Variants in TAAR5 observed in about 807,000 individuals in gnomAD.
TAAR5 encodes the protein trace amine associated receptor 5.
Under a neutral mutation model 21.1 loss-of-function variants are expected in TAAR5, and 27 were observed. That is an observed-to-expected ratio of 1.28 (90% confidence interval 0.94 to 1.76). TAAR5 has a LOEUF of 1.76. Among genes scored for constraint, TAAR5 ranks in the 40% most tolerant of loss-of-function variants. The pLI is 0.00. For missense variants in TAAR5, 495 were observed against 405.6 expected, an observed-to-expected ratio of 1.22 and a Z score of -1.89; for synonymous variants, 203 against 167.5, an observed-to-expected ratio of 1.21 and a Z score of -1.64.
chr6:132,604,170 A>T, the TAAR5 span, among the ~76,000 whole-genome samples: 1 of 135,980 alleles, frequency 7.4e-6, no homozygotes, highest in Non-Finnish European at 1.5e-5. Context: ...TTTGAGACAG[A>T]GTCTCTCTCA....
the TAAR5 span, among the ~76,000 whole-genome samples, chr6:132,614,052 T>C: frequency 4.6e-5 from 7 of 152,242 alleles, no homozygotes; most frequent in African/African-American, 1.7e-4. Flanking sequence ...ATATGAGCTA[T>C]TAGTGTTCCA....
the TAAR5 span, among the ~76,000 whole-genome samples, chr6:132,601,342 A>G: frequency 0.013 from 1,956 of 152,352 alleles, 28 homozygotes; most frequent in Middle Eastern, 0.037. Context: ...AAAGCCTTGC[A>G]AAGTATATAT....
At chr6:132,612,298 A>G in the TAAR5 span, among the ~76,000 whole-genome samples, 1 of 152,234 alleles carries the variant, frequency 6.6e-6, no homozygotes, top group African/African-American at 2.4e-5. Flanking sequence ...GAATAAACAT[A>G]CACATAAATT....
the TAAR5 span, among the ~76,000 whole-genome samples, chr6:132,613,005 A>T: frequency 3.9e-5 from 6 of 152,166 alleles, no homozygotes; most frequent in African/African-American, 7.2e-5. Flanking sequence ...TATTGGGATG[A>T]TTCTATAAGA....
At chr6:132,614,892 T>A in the TAAR5 span, among the ~76,000 whole-genome samples, 5 of 152,070 alleles carry the variant, frequency 3.3e-5, no homozygotes, top group Non-Finnish European at 7.4e-5. Flanking sequence ...TGAGACAGAG[T>A]CTCACTCTGT....
chr6:132,590,753 A>T (rs1232409607), upstream of TAAR5, among the ~76,000 whole-genome samples: 1 of 152,220 alleles, frequency 6.6e-6, no homozygotes, highest in Non-Finnish European at 1.5e-5. Context: ...TTACCCTGAC[A>T]ATTAATTAGA....
At chr6:132,614,412 T>C in the TAAR5 span, among the ~76,000 whole-genome samples, 1 of 152,374 alleles carries the variant, frequency 6.6e-6, no homozygotes, top group South Asian at 2.1e-4. Flanking sequence ...TTATAATGAT[T>C]GTTTTTTAGT....
the TAAR5 span, among the ~76,000 whole-genome samples, chr6:132,596,012 T>C: frequency 6.6e-6 from 1 of 152,158 alleles, no homozygotes; most frequent in Non-Finnish European, 1.5e-5. Flanking sequence ...GAGAACAACA[T>C]AGTTTTTAGA....
the TAAR5 span, among the ~76,000 whole-genome samples, chr6:132,613,869 T>C: frequency 6.6e-6 from 1 of 152,218 alleles, no homozygotes; most frequent in Non-Finnish European, 1.5e-5. Flanking sequence ...AAAGTGACAC[T>C]ACTGCCATAA....
chr6:132,602,621 A>C, the TAAR5 span, among the ~76,000 whole-genome samples: 7 of 152,218 alleles, frequency 4.6e-5, no homozygotes, highest in East Asian at 5.8e-4. Context: ...CTAACAGTCC[A>C]AGGACTATTA....
At chr6:132,590,689 T>C (rs548603247), upstream of TAAR5, among the ~76,000 whole-genome samples, 8 of 152,328 alleles carry the variant, frequency 5.3e-5, no homozygotes, top group East Asian at 1.3e-3. Flanking sequence ...GGGACCTAGT[T>C]TGCACTATTT....
the TAAR5 span, among the ~76,000 whole-genome samples, chr6:132,606,305 G>T: frequency 1.3e-5 from 2 of 151,998 alleles, no homozygotes; most frequent in Non-Finnish European, 2.9e-5. Flanking sequence ...AATAAGTAGA[G>T]AAACAAATAA....
rs1562186233 is a variant in TAAR5 at position 132,589,117 on chromosome 6, G to A, written c.570C>T (p.Gly190=). The change falls in exon 1 of 1, where the codon GGC becomes GGT. Residue 190 remains glycine (G), a synonymous_variant. Coordinates refer to ENST00000258034, the MANE Select transcript of TAAR5 (RefSeq NM_003967.3). ...SQWLEEMPCV[G]SCQLLLNKFW... Reference sequence around the variant, plus strand: ...ATTTATTGAGCAGCAGCTGGCAACTGCCCACACAAGGCATCTCTTCCAGCC... The same window carrying A: ...ATTTATTGAGCAGCAGCTGGCAACTACCCACACAAGGCATCTCTTCCAGCC... 10 of 1,613,204 alleles carry A rather than the reference G, an allele frequency of 6.2e-6. No individual in the cohort carries two copies. The highest frequency in any genetic ancestry group is 1.7e-5 in the Admixed American group (1 of 59,966).
At chr6:132,603,133 T>A in the TAAR5 span, among the ~76,000 whole-genome samples, 1 of 151,798 alleles carries the variant, frequency 6.6e-6, no homozygotes, top group Non-Finnish European at 1.5e-5. Flanking sequence ...TGAGACTCCA[T>A]CTTGACTAAA....
At chr6:132,611,396 A>G in the TAAR5 span, among the ~76,000 whole-genome samples, 1 of 152,106 alleles carries the variant, frequency 6.6e-6, no homozygotes, top group Non-Finnish European at 1.5e-5. Flanking sequence ...ATAGTTGATA[A>G]TAACTTATTG....
the TAAR5 span, chr6:132,608,112 G>C: frequency 5.7e-6 from 2 of 348,346 alleles, no homozygotes; most frequent in South Asian, 2.2e-5. Context: ...GTAGGTGATA[G>C]AACACTTAAC....
chr6:132,603,242 G>A, the TAAR5 span, among the ~76,000 whole-genome samples: 3 of 148,264 alleles, frequency 2.0e-5, no homozygotes, highest in Non-Finnish European at 4.4e-5. Flanking sequence ...GGTCAAGGCT[G>A]TAGTGAGCCG....
the TAAR5 span, among the ~76,000 whole-genome samples, chr6:132,616,353 G>T: frequency 3.3e-5 from 5 of 152,076 alleles, no homozygotes; most frequent in African/African-American, 1.2e-4. Context: ...AAGGAATGAT[G>T]GATTGAAAAC....
the TAAR5 span, among the ~76,000 whole-genome samples, chr6:132,615,518 A>C: frequency 6.6e-6 from 1 of 152,172 alleles, no homozygotes; most frequent in African/African-American, 2.4e-5. Context: ...AGAACACAGA[A>C]TCCAGGGTAA....
Sources: allele counts gnomAD v4.1 joint callset (sites outside exome capture counted in the v4.1 genomes callset), GRCh38; gene constraint gnomAD v4.1.1; transcripts MANE v1.5; gene names NCBI Gene and HGNC (gene_info 2026-07-23, HGNC 2026-07-21).